Variants in COL24A1 observed in about 807,000 individuals in gnomAD.
COL24A1 encodes the protein collagen alpha-1(XXIV) chain.
A neutral mutation model predicts 253.9 loss-of-function variants in COL24A1; 224 were observed. That is an observed-to-expected ratio of 0.88 (90% confidence interval 0.79 to 0.99). The LOEUF (loss-of-function observed/expected upper bound fraction) is 0.99. Ranked by LOEUF, COL24A1 falls within the 50% of genes least tolerant of loss-of-function variation. COL24A1 has a pLI of 0.00. For missense variants in COL24A1, 2,131 were observed against 2,068.5 expected (o/e 1.03, Z -0.59); for synonymous variants, 685 against 673.7 (o/e 1.02, Z -0.26).
intron 35 of COL24A1, 35 bp from the exon 36 acceptor site, chr1:85,868,870 T>A (rs1680089087): frequency 6.9e-7 from 1 of 1,447,188 alleles, no homozygotes. Flanking sequence ...ATTGAGTTTT[T>A]TTTTGCTATA....
chr1:85,800,784 A>C (rs1671345352), intron 47 of COL24A1, among the ~76,000 whole-genome samples: 1 of 152,178 alleles, frequency 6.6e-6, no homozygotes, highest in Non-Finnish European at 1.5e-5. Flanking sequence ...TTGAAGATGA[A>C]TATAACTAAT....
chr1:85,899,189 TG>T (rs1208982079), intron 28 of COL24A1, among the ~76,000 whole-genome samples: 2 of 152,154 alleles, frequency 1.3e-5, no homozygotes, highest in Admixed American at 1.3e-4. Context: ...CTTCTCTTTT[TG>T]CTCCAAAAGA....
intron 5 of COL24A1, among the ~76,000 whole-genome samples, chr1:86,092,796 G>GA (rs1703601075): frequency 6.6e-6 from 1 of 151,590 alleles, no homozygotes; most frequent in Non-Finnish European, 1.5e-5. Flanking sequence ...TAAGAAAAAT[G>GA]AACATAAAAA....
intron 37 of COL24A1, among the ~76,000 whole-genome samples, chr1:85,863,844 T>G (rs929532557): frequency 3.3e-5 from 5 of 151,932 alleles, no homozygotes; most frequent in African/African-American, 7.3e-5. Flanking sequence ...AAAACCACAA[T>G]GAGATACCAT....
At chr1:86,135,369 T>G (rs1650059542) in intron 2 of COL24A1, among the ~76,000 whole-genome samples, 1 of 152,184 alleles carries the variant, frequency 6.6e-6, no homozygotes, top group African/African-American at 2.4e-5. Flanking sequence ...AATATTGTTA[T>G]GTATGAATTT....
chr1:86,118,126 G>C (rs989582228), intron 3 of COL24A1, among the ~76,000 whole-genome samples: 1 of 149,434 alleles, frequency 6.7e-6, no homozygotes, highest in African/African-American at 2.5e-5. Flanking sequence ...ATAGTGGCGT[G>C]ATCTCGGCTC....
At chr1:86,131,694 T>G (rs1374411982) in intron 2 of COL24A1, among the ~76,000 whole-genome samples, 1 of 152,142 alleles carries the variant, frequency 6.6e-6, no homozygotes, top group Non-Finnish European at 1.5e-5. Flanking sequence ...CATGAACTCA[T>G]CATTTTTTAT....
intron 2 of COL24A1, among the ~76,000 whole-genome samples, chr1:86,139,808 ATTATAGAC>A (rs1484587411): frequency 6.6e-6 from 1 of 152,172 alleles, no homozygotes; most frequent in African/African-American, 2.4e-5. Context: ...AATGAGAATG[ATTATAGAC>A]TTCGACACAC....
chr1:86,021,661 A>C (rs901383863), intron 18 of COL24A1, among the ~76,000 whole-genome samples: 2 of 152,090 alleles, frequency 1.3e-5, no homozygotes, highest in African/African-American at 4.8e-5. Flanking sequence ...GATTTTTAAT[A>C]TTTAGAAATA....
At chr1:86,011,219 A>G (rs909014861) in intron 19 of COL24A1, among the ~76,000 whole-genome samples, 1 of 152,190 alleles carries the variant, frequency 6.6e-6, no homozygotes, top group Non-Finnish European at 1.5e-5. Flanking sequence ...TGCACCTTGT[A>G]GTTATCCATG....
intron 32 of COL24A1, among the ~76,000 whole-genome samples, chr1:85,886,537 C>A (rs2102710243): frequency 6.6e-6 from 1 of 151,840 alleles, no homozygotes; most frequent in Non-Finnish European, 1.5e-5. Flanking sequence ...TGGTGGCATG[C>A]ACCTGTAGTC....
chr1:85,736,575 G>T (rs1484504284), intron 58 of COL24A1: 1 of 443,518 alleles, frequency 2.3e-6, no homozygotes, highest in Non-Finnish European at 4.6e-6. Context: ...AAGATAAATT[G>T]ATGGAATGCC....
chr1:85,924,111 CT>C (rs1469558298), intron 24 of COL24A1, among the ~76,000 whole-genome samples: 2 of 152,112 alleles, frequency 1.3e-5, no homozygotes, highest in African/African-American at 4.8e-5. Context: ...CCTCCAAAGA[CT>C]AAACCAGGAA....
intron 12 of COL24A1, among the ~76,000 whole-genome samples, chr1:86,038,258 A>G (rs1699183189): frequency 6.6e-6 from 1 of 152,202 alleles, no homozygotes; most frequent in Non-Finnish European, 1.5e-5. Context: ...AGATAATAGA[A>G]GCTTAAAATT....
At chr1:86,094,736 G>T (rs1413160196) in intron 5 of COL24A1, among the ~76,000 whole-genome samples, 2 of 151,704 alleles carry the variant, frequency 1.3e-5, no homozygotes, top group Non-Finnish European at 2.9e-5. Context: ...TTGGTTACAA[G>T]GTTATGAAAC....
chr1:85,977,625 A>G (rs898363243), intron 20 of COL24A1, among the ~76,000 whole-genome samples: 45 of 152,304 alleles, frequency 3.0e-4, no homozygotes, highest in Non-Finnish European at 5.3e-4. Context: ...AAAGAACTTC[A>G]GAGCTCAAAG....
chr1:86,004,328 T>C (rs11161719), intron 19 of COL24A1, among the ~76,000 whole-genome samples: 65,734 of 151,932 alleles, frequency 0.43, 14,530 homozygotes, highest in Admixed American at 0.54. Context: ...GAATGCCTGA[T>C]CCACAGACAT....
At chr1:85,976,943 A>G (rs545812587) in intron 20 of COL24A1, among the ~76,000 whole-genome samples, 1 of 152,352 alleles carries the variant, frequency 6.6e-6, no homozygotes, top group East Asian at 1.9e-4. Context: ...AAACGTATCT[A>G]CAACCAAGGA....
chr1:86,087,280 C>A (rs1267030582), intron 7 of COL24A1, among the ~76,000 whole-genome samples: 3 of 152,012 alleles, frequency 2.0e-5, no homozygotes, highest in Non-Finnish European at 4.4e-5. Context: ...AAAAATAATT[C>A]AAAATAATGT....
Sources: gnomAD v4.1 joint callset for allele counts (sites outside exome capture counted in the v4.1 genomes callset) on GRCh38, gnomAD v4.1.1 for gene constraint, MANE v1.5 for transcripts, NCBI Gene and HGNC (gene_info 2026-07-23, HGNC 2026-07-21) for gene names.